CDKAL1: variants seen among roughly 807,000 people sequenced by gnomAD.
CDKAL1 encodes threonylcarbamoyladenosine tRNA methylthiotransferase.
CDKAL1 carries 32 observed loss-of-function variants against 68.2 expected under a neutral mutation model. That is an observed-to-expected ratio of 0.47 (90% CI 0.35 to 0.63). The LOEUF (loss-of-function observed/expected upper bound fraction) is 0.63. Ranked by LOEUF, CDKAL1 falls within the 30% of genes least tolerant of loss-of-function variation. The pLI, the probability that CDKAL1 is intolerant of heterozygous loss-of-function variation, is 0.00. For missense variants in CDKAL1, 606 were observed against 696.7 expected, an observed-to-expected ratio of 0.87 and a Z score of 1.47; for synonymous variants, 234 against 244.3, an observed-to-expected ratio of 0.96 and a Z score of 0.39.
chr6:21,062,298 C>T (rs1027275611), intron 11 of CDKAL1, among the ~76,000 whole-genome samples: 4 of 152,128 alleles, frequency 2.6e-5, no homozygotes, highest in African/African-American at 9.7e-5. Flanking sequence ...CTATTATGAT[C>T]TGCTGTGATC....
intron 11 of CDKAL1, among the ~76,000 whole-genome samples, chr6:21,036,545 A>G (rs940089684): frequency 2.0e-5 from 3 of 152,228 alleles, no homozygotes; most frequent in African/African-American, 7.2e-5. Flanking sequence ...GATATTTTCC[A>G]AAGTGTCTAC....
At chr6:20,964,362 A>G (rs1240969289) in intron 10 of CDKAL1, among the ~76,000 whole-genome samples, 1 of 152,234 alleles carries the variant, frequency 6.6e-6, no homozygotes, top group Non-Finnish European at 1.5e-5. Flanking sequence ...ATGCGTGGGT[A>G]TGTTCATAGG....
At chr6:20,586,485 A>G (rs1381115096) in intron 4 of CDKAL1, among the ~76,000 whole-genome samples, 2 of 152,250 alleles carry the variant, frequency 1.3e-5, no homozygotes, top group East Asian at 3.9e-4. Flanking sequence ...TAAAAATACA[A>G]AAATTAGCCA....
At chr6:21,150,148 G>A (rs1308908148) in intron 13 of CDKAL1, among the ~76,000 whole-genome samples, 10 of 152,082 alleles carry the variant, frequency 6.6e-5, no homozygotes, top group Non-Finnish European at 1.0e-4. Flanking sequence ...GGGAGCCACC[G>A]CACCTGGCCT....
intron 6 of CDKAL1, among the ~76,000 whole-genome samples, chr6:20,749,186 G>A (rs1400693937): frequency 6.6e-6 from 1 of 152,150 alleles, no homozygotes; most frequent in Non-Finnish European, 1.5e-5. Flanking sequence ...CCTGAGCAAT[G>A]TTGTTAATAT....
At chr6:20,889,974 A>G (rs1035642846) in intron 9 of CDKAL1, among the ~76,000 whole-genome samples, 2 of 152,078 alleles carry the variant, frequency 1.3e-5, no homozygotes, top group Admixed American at 1.3e-4. Context: ...GGCTGGTCTC[A>G]CACCCCTGGG....
Position 20,908,937 on chromosome 6 carries a change from T to G in CDKAL1, c.743-46482T>G, listed in dbSNP as rs114691314. Among the ~76,000 whole-genome samples, 1,342 of 152,326 alleles carry G rather than the reference T, an allele frequency of 8.8e-3. 29 individuals carry two copies. Among genetic ancestry groups the G allele is most frequent in the African/African-American group, 0.03 (1,267 of 41,572 alleles). On this transcript the variant is annotated intron_variant, in intron 9 of 15. Coordinates refer to ENST00000274695, the MANE Select transcript of CDKAL1 (RefSeq NM_017774.3). ...TTTTGAACCCTAGAAGTTGCATCCT[T>G]GGGTGTCATGCTACACTATGATTGA...
At chr6:21,196,223 T>A (rs1778466120) in intron 13 of CDKAL1, among the ~76,000 whole-genome samples, 1 of 152,240 alleles carries the variant, frequency 6.6e-6, no homozygotes, top group African/African-American at 2.4e-5. Context: ...AAATGAAGTG[T>A]AATTGCAGAT....
intron 12 of CDKAL1, among the ~76,000 whole-genome samples, chr6:21,082,813 T>TAA (rs1319869242): frequency 6.6e-6 from 1 of 151,954 alleles, no homozygotes; most frequent in African/African-American, 2.4e-5. Context: ...TGCATATATA[T>TAA]AATGTGATAT....
chr6:20,621,085 C>T (rs1235916874), intron 4 of CDKAL1, among the ~76,000 whole-genome samples: 1 of 152,006 alleles, frequency 6.6e-6, no homozygotes, highest in Non-Finnish European at 1.5e-5. Flanking sequence ...TTACTGCTGC[C>T]TCAGATTTAC....
In CDKAL1 at chr6:20,895,570, A is replaced by G. The variant is rs564712011; in HGVS notation, c.742+49392A>G. ...CCTTACATCTTTGTAGGAAAGATGG[A>G]CATGAATACAGATGCATTCATTCAG... On this transcript the variant is annotated intron_variant, in intron 9 of 15. Transcript: ENST00000274695. 4.6e-5 allele frequency among the ~76,000 whole-genome samples: 7 copies of G among 152,344 alleles called. No homozygotes were observed. In the South Asian group the frequency reaches 1.5e-3, roughly 32 times the overall value.
At chr6:20,814,363 C>T (rs1363175897) in intron 8 of CDKAL1, among the ~76,000 whole-genome samples, 1 of 152,114 alleles carries the variant, frequency 6.6e-6, no homozygotes, top group African/African-American at 2.4e-5. Context: ...TGAATAAAGA[C>T]AGTTTTACTT....
intron 9 of CDKAL1, among the ~76,000 whole-genome samples, chr6:20,847,736 G>A (rs1778428348): frequency 6.6e-6 from 1 of 152,146 alleles, no homozygotes; most frequent in African/African-American, 2.4e-5. Flanking sequence ...AATTATATGT[G>A]ACTTGAGAAA....
At chr6:20,867,145 A>G (rs1759951442) in intron 9 of CDKAL1, among the ~76,000 whole-genome samples, 1 of 152,214 alleles carries the variant, frequency 6.6e-6, no homozygotes, top group African/African-American at 2.4e-5. Context: ...GGATCAAGTC[A>G]TTTATTTGAT....
chr6:20,844,742 GT>G (rs1778312519), intron 8 of CDKAL1, among the ~76,000 whole-genome samples: 1 of 151,590 alleles, frequency 6.6e-6, no homozygotes, highest in Non-Finnish European at 1.5e-5. Flanking sequence ...ATCGACAACA[GT>G]GTCTGATGCT....
chr6:20,937,288 T>C lies in CDKAL1; in HGVS notation c.743-18131T>C, dbSNP rs565554504. On this transcript the variant is annotated intron_variant, in intron 9 of 15. Coordinates refer to ENST00000274695, the MANE Select transcript of CDKAL1 (RefSeq NM_017774.3). ...TTTTTGTAGAAATGGGGTTTCGCCA[T>C]GTTGCCCAGGCTGGTCTCAAACCAA... is the stretch of plus-strand genomic sequence containing the variant. 4.6e-5 allele frequency among the ~76,000 whole-genome samples: 7 copies of C among 152,310 alleles called. No homozygotes were observed. In the South Asian group the frequency reaches 1.2e-3, roughly 27 times the overall value.
At chr6:20,692,116 T>G (rs1421337640) in intron 5 of CDKAL1, among the ~76,000 whole-genome samples, 1 of 152,218 alleles carries the variant, frequency 6.6e-6, no homozygotes, top group Non-Finnish European at 1.5e-5. Flanking sequence ...TACATAAGAT[T>G]ACTATCTACC....
chr6:20,536,488 T>A (rs1005588204), intron 2 of CDKAL1, among the ~76,000 whole-genome samples: 1 of 152,138 alleles, frequency 6.6e-6, no homozygotes, highest in African/African-American at 2.4e-5. Context: ...CCCAGTGTCA[T>A]TTGTTGAAAA....
intron 7 of CDKAL1, among the ~76,000 whole-genome samples, chr6:20,766,072 A>T (rs1393391520): frequency 2.0e-5 from 3 of 152,180 alleles, no homozygotes; most frequent in Non-Finnish European, 4.4e-5. Flanking sequence ...GAATCCCCCA[A>T]GTGGATTCTG....
Sources: allele counts gnomAD v4.1 joint callset (sites outside exome capture counted in the v4.1 genomes callset), GRCh38; gene constraint gnomAD v4.1.1; transcripts MANE v1.5; gene names NCBI Gene and HGNC (gene_info 2026-07-23, HGNC 2026-07-21).